Variants in TM9SF4 observed in about 807,000 individuals in gnomAD.
The protein encoded by TM9SF4 is dinucleotide oxidase disulfide thiol exchanger 3 superfamily member 4.
In TM9SF4, 26 loss-of-function variants were observed where a neutral mutation model predicts 90.4. The observed-to-expected ratio is 0.29, with a 90% CI of 0.21 to 0.40. TM9SF4 has a LOEUF of 0.40. Among genes scored for constraint, TM9SF4 ranks in the 10% least tolerant of loss-of-function variants. TM9SF4 has a pLI of 1.00. For missense variants in TM9SF4, 549 were observed against 834.8 expected, an observed-to-expected ratio of 0.66 and a Z score of 4.22; for synonymous variants, 293 against 315.4, an observed-to-expected ratio of 0.93 and a Z score of 0.75.
chr20:32,150,617 C>G lies in TM9SF4; in HGVS notation c.1088-5C>G. On this transcript the variant is annotated splice_polypyrimidine_tract_variant and splice_region_variant and intron_variant, in intron 10 of 17. Transcript: ENST00000398022. The stretch of plus-strand genomic sequence containing the variant: ...TCTGCCCTTCCTCCCTCCCTCCCTC[C>G]ACAGTTGTAGCCATGCTTGGGATGC... The G allele has an allele frequency of 6.2e-7, 1 of 1,614,212 alleles. No homozygotes were observed. The highest frequency in any genetic ancestry group is 8.5e-7 in the Non-Finnish European group (1 of 1,180,038).
chr20:32,140,531 A>G (rs2046657216), intron 3 of TM9SF4, among the ~76,000 whole-genome samples: 1 of 152,238 alleles, frequency 6.6e-6, no homozygotes, highest in African/African-American at 2.4e-5. Context: ...AATCCTTGAC[A>G]TAGGAACGGA....
At position 32,145,132 on chromosome 20, in the gene TM9SF4, G is replaced by C; in HGVS notation, c.694G>C (p.Gly232Arg). ...DEKSSCTLPEGTNSSPQEIDP... is the reference protein window; with the variant it reads ...DEKSSCTLPERTNSSPQEIDP... ...GAAGAGTTCGTGCACTCTGCCTGAG[G>C]GTACCAACTCCTCGCCCCAAGAAAT... The change falls in exon 7 of 18, where the codon GGT becomes CGT. Residue 232 changes from glycine (G) to arginine (R), a missense_variant. By Grantham distance (125) the Gly-to-Arg change is moderately radical. Around this residue, in one of 2 missense-constraint regions of TM9SF4, gnomAD observed 495 missense variants for 711.7 expected, o/e 0.70. Transcript: ENST00000398022. 1 of 1,614,116 alleles carries C rather than the reference G, an allele frequency of 6.2e-7. No homozygotes were observed. The highest frequency in any genetic ancestry group is 8.5e-7 in the Non-Finnish European group (1 of 1,180,036).
chr20:32,155,749 T>A (rs969957096), intron 13 of TM9SF4, among the ~76,000 whole-genome samples: 11 of 152,274 alleles, frequency 7.2e-5, no homozygotes, highest in African/African-American at 2.6e-4. Flanking sequence ...AGGACTGCAG[T>A]TGAGATGTGG....
chr20:32,110,304 C>T (rs539177437), intron 1 of TM9SF4, among the ~76,000 whole-genome samples: 1 of 152,164 alleles, frequency 6.6e-6, no homozygotes, highest in Admixed American at 6.5e-5. Context: ...TACCCCAGAG[C>T]TTGCCTTCAC....
intron 1 of TM9SF4, chr20:32,110,062 C>A: frequency 7.5e-7 from 1 of 1,334,888 alleles, no homozygotes; most frequent in East Asian, 3.1e-5. Context: ...TTCCATTTCT[C>A]ACCTCCCTGT....
At chr20:32,164,707 T>C (rs1271945395) in intron 17 of TM9SF4, among the ~76,000 whole-genome samples, 1 of 152,198 alleles carries the variant, frequency 6.6e-6, no homozygotes, top group Non-Finnish European at 1.5e-5. Context: ...ACTCAGGCCC[T>C]GGGCATATCT....
At chr20:32,159,659 G>A (rs2046984199) in intron 15 of TM9SF4, 1 of 304,682 alleles carries the variant, frequency 3.3e-6, no homozygotes, top group East Asian at 7.1e-5. Flanking sequence ...TTGTATATGA[G>A]GCATGTGGCA....
At chr20:32,139,539 G>A (rs1447936378) in intron 3 of TM9SF4, among the ~76,000 whole-genome samples, 1 of 152,100 alleles carries the variant, frequency 6.6e-6, no homozygotes, top group African/African-American at 2.4e-5. Context: ...ATGACTGACT[G>A]CCATCACTGC....
rs1600356715 is a variant in TM9SF4 at position 32,165,733 on chromosome 20, G to A, written c.*289G>A. On this transcript the variant is annotated 3_prime_UTR_variant, in exon 18 of 18. Coordinates refer to ENST00000398022, the MANE Select transcript of TM9SF4 (RefSeq NM_014742.4). ...GGAACTCTCTGACCTGTTTATTCAG[G>A]TGTATTTCTGGTTTGGATTTTTTTT... 4 of 356,272 alleles carry A rather than the reference G, an allele frequency of 1.1e-5. No homozygotes were observed. Among genetic ancestry groups the A allele is most frequent in the Middle Eastern group, 7.9e-4 (1 of 1,268 alleles). The allele number at this position is 356,272 out of a possible 1,614,324, so 22.1% of individuals were successfully genotyped here. A position where few individuals can be genotyped will look rare whatever the true frequency, so the allele number is the denominator to read the frequency against.
intron 1 of TM9SF4, among the ~76,000 whole-genome samples, chr20:32,124,896 G>A (rs1284274910): frequency 6.6e-6 from 1 of 152,082 alleles, no homozygotes; most frequent in Non-Finnish European, 1.5e-5. Flanking sequence ...CCTACAAATT[G>A]TCTTTTTAAC....
intron 1 of TM9SF4, among the ~76,000 whole-genome samples, chr20:32,131,320 A>G (rs565060904): frequency 7.2e-5 from 11 of 152,344 alleles, no homozygotes; most frequent in Non-Finnish European, 1.5e-4. Flanking sequence ...GTGTCTGCAA[A>G]AAGTGTACTG....
chr20:32,109,753 A>G lies in TM9SF4; in HGVS notation c.13A>G (p.Met5Val). ...ACGTGGATCCAAGATGGCGACGGCGATGGTGAGTGAAGGAGACTCCGGGAG... is the reference window on the plus strand; with the variant it reads ...ACGTGGATCCAAGATGGCGACGGCGGTGGTGAGTGAAGGAGACTCCGGGAG... MATA[M>V]DWLPWSLLLF... Residue 5 changes from methionine (M) to valine (V), a missense_variant and splice_region_variant, in exon 1 of 18, where the codon ATG (methionine) becomes GTG (valine). Met to Val is a conservative substitution (Grantham distance 21). Coordinates refer to ENST00000398022, the MANE Select transcript of TM9SF4 (RefSeq NM_014742.4). 2 of 1,551,626 alleles carry G rather than the reference A, an allele frequency of 1.3e-6. No individual in the cohort carries two copies. The highest frequency in any genetic ancestry group is 1.7e-6 in the Non-Finnish European group (2 of 1,146,980).
At chr20:32,163,268 A>AAAAAAAAAAAATATAT (rs1555886757) in intron 17 of TM9SF4, among the ~76,000 whole-genome samples, 1 of 74,498 alleles carries the variant, frequency 1.3e-5, no homozygotes, top group African/African-American at 5.9e-5. Context: ...AAAAAAAAAA[A>AAAAAAAAAAAATATAT]ATATATATAT....
chr20:32,109,941 C>G (rs996531676), intron 1 of TM9SF4, 186 bp downstream of exon 1: 2 of 1,422,986 alleles, frequency 1.4e-6, no homozygotes, highest in Non-Finnish European at 9.2e-7. Flanking sequence ...TGCACTCAGG[C>G]TTGTGAAGGC....
chr20:32,111,865 G>A, intron 1 of TM9SF4, among the ~76,000 whole-genome samples: 1 of 152,210 alleles, frequency 6.6e-6, no homozygotes, highest in East Asian at 1.9e-4. Flanking sequence ...TGAGGGTTGG[G>A]GTAGGAGAGA....
intron 13 of TM9SF4, 45 bp from the exon 14 acceptor site, chr20:32,157,749 C>T (rs377591226): frequency 9.3e-6 from 15 of 1,604,428 alleles, no homozygotes; most frequent in Middle Eastern, 3.3e-4. Context: ...GCCCCCATCC[C>T]GGGCATCAGG....
At chr20:32,137,777 TTC>T (rs760599917) in intron 3 of TM9SF4, among the ~76,000 whole-genome samples, 3 of 152,196 alleles carry the variant, frequency 2.0e-5, no homozygotes, top group Non-Finnish European at 4.4e-5. Context: ...CTGGGCACTG[TTC>T]TAAGCATTCC....
intron 12 of TM9SF4, among the ~76,000 whole-genome samples, chr20:32,153,908 T>C (rs1364441054): frequency 6.6e-6 from 1 of 152,230 alleles, no homozygotes; most frequent in Non-Finnish European, 1.5e-5. Flanking sequence ...ATACCTCTGC[T>C]GTACCTTCAG....
At chr20:32,139,647 G>A (rs184671995) in intron 3 of TM9SF4, among the ~76,000 whole-genome samples, 4 of 152,318 alleles carry the variant, frequency 2.6e-5, no homozygotes, top group African/African-American at 7.2e-5. Flanking sequence ...CTCAGATAAC[G>A]TCTTTCTCTA....
Sources: allele counts gnomAD v4.1 joint callset (sites outside exome capture counted in the v4.1 genomes callset), GRCh38; gene constraint gnomAD v4.1.1; regional missense constraint gnomAD v4.1.1; transcripts MANE v1.5; gene names NCBI Gene and HGNC (gene_info 2026-07-23, HGNC 2026-07-21).